Variants in DNAH3 observed in about 807,000 individuals in gnomAD.
DNAH3 encodes the protein dynein axonemal heavy chain 3.
In DNAH3, 332 loss-of-function variants were observed where a neutral mutation model predicts 432.5. That is an observed-to-expected ratio of 0.77 (90% CI 0.70 to 0.84). The LOEUF is 0.84. Ranked by LOEUF, DNAH3 falls within the 40% of genes least tolerant of loss-of-function variation. The pLI is 0.00. For synonymous variants in DNAH3, 1,956 were observed against 1,900.2 expected, an observed-to-expected ratio of 1.03 and a Z score of -0.76; for missense variants, 4,861 against 5,114.0, an observed-to-expected ratio of 0.95 and a Z score of 1.51.
intron 18 of DNAH3, among the ~76,000 whole-genome samples, chr16:21,093,199 C>G (rs2091588080): frequency 6.6e-6 from 1 of 152,162 alleles, no homozygotes; most frequent in Non-Finnish European, 1.5e-5. Flanking sequence ...CAAAACGGTA[C>G]AGCAACTCTG....
rs146012558 is a variant in DNAH3 at position 20,949,989 on chromosome 16, T to C, written c.11189-1352A>G. Among the ~76,000 whole-genome samples the C allele has an allele frequency of 6.6e-5, 10 of 152,280 alleles. No homozygotes were observed. The East Asian group carries it at 1.9e-3, about 29-fold the overall frequency. Reference sequence around the variant, plus strand: ...TGTGCTTCTGCATGACCTGGAACTGTGGGAATATGGTTCACTTCTATTTAT... The same window carrying C: ...TGTGCTTCTGCATGACCTGGAACTGCGGGAATATGGTTCACTTCTATTTAT... On this transcript the variant is annotated intron_variant, in intron 56 of 61. Transcript: ENST00000261383.
At chr16:21,050,128 T>C (rs1597243204) in intron 29 of DNAH3, 110 bp from the exon 30 acceptor site, 2 of 760,782 alleles carry the variant, frequency 2.6e-6, no homozygotes, top group East Asian at 5.3e-5. Context: ...GCAAAAGTGA[T>C]TGCAGTTTTT....
At chr16:20,951,557 C>T (rs2084309398) in intron 56 of DNAH3, among the ~76,000 whole-genome samples, 1 of 151,702 alleles carries the variant, frequency 6.6e-6, no homozygotes, top group African/African-American at 2.4e-5. Context: ...AATCCTCCCA[C>T]CTTAGTCCCC....
At chr16:21,022,381 A>G (rs2088285118) in intron 39 of DNAH3, among the ~76,000 whole-genome samples, 1 of 152,236 alleles carries the variant, frequency 6.6e-6, no homozygotes, top group Non-Finnish European at 1.5e-5. Flanking sequence ...TGGGTCAGCT[A>G]CAGGATGCAT....
rs892887114 is a variant in DNAH3, at chr16:21,022,593, T to A, written c.5647-493A>T. Among the ~76,000 whole-genome samples the A allele has an allele frequency of 3.1e-4, 47 of 152,130 alleles. 1 individual carries two copies. Among genetic ancestry groups the A allele is most frequent in the Non-Finnish European group, 6.0e-4 (41 of 68,010 alleles). On this transcript the variant is annotated intron_variant, in intron 39 of 61. Transcript: ENST00000261383. ...TACCACACGTATGGGTAGGTTTATA[T>A]GTTCTTCTTTGGGGTTATCATGATT...
intron 49 of DNAH3, among the ~76,000 whole-genome samples, chr16:20,980,258 T>TA (rs2085815537): frequency 2.3e-5 from 2 of 86,230 alleles, no homozygotes; most frequent in Non-Finnish European, 5.6e-5. Flanking sequence ...ATACATCATA[T>TA]ATTATATTAT....
intron 51 of DNAH3, among the ~76,000 whole-genome samples, chr16:20,971,834 T>C (rs567893983): frequency 5.7e-4 from 87 of 152,210 alleles, no homozygotes; most frequent in Non-Finnish European, 9.7e-4. Flanking sequence ...CCCCTTGGTA[T>C]AGAGCAAAGT....
intron 49 of DNAH3, among the ~76,000 whole-genome samples, chr16:20,981,618 G>A (rs1354130255): frequency 2.6e-5 from 4 of 152,060 alleles, no homozygotes; most frequent in African/African-American, 7.2e-5. Context: ...TCAGCTACTC[G>A]GGAGGCTGAG....
chr16:21,068,078 G>A (rs1010419136), intron 23 of DNAH3, among the ~76,000 whole-genome samples: 2 of 152,066 alleles, frequency 1.3e-5, no homozygotes, highest in Non-Finnish European at 2.9e-5. Context: ...AACAAAGCAG[G>A]GAAGACAAAT....
intron 53 of DNAH3, among the ~76,000 whole-genome samples, chr16:20,959,885 A>T (rs1211801571): frequency 3.3e-5 from 5 of 152,228 alleles, no homozygotes. Context: ...TTTGAAAGAA[A>T]AGGATATTCC....
chr16:20,938,761 A>G (rs2152566202), intron 59 of DNAH3, among the ~76,000 whole-genome samples: 1 of 151,902 alleles, frequency 6.6e-6, no homozygotes, highest in East Asian at 1.9e-4. Context: ...ATCATTGGAA[A>G]ATAAGATTGC....
At chr16:21,124,332 G>A (rs1008977471) in intron 9 of DNAH3, among the ~76,000 whole-genome samples, 2 of 152,050 alleles carry the variant, frequency 1.3e-5, no homozygotes, top group African/African-American at 4.8e-5. Flanking sequence ...TCCCCAAACT[G>A]TAAGACATAT....
chr16:21,027,037 T>A, exon 38 of DNAH3: 1 of 1,613,308 alleles, frequency 6.2e-7, no homozygotes, highest in Non-Finnish European at 8.5e-7. Flanking sequence ...CTGCTCACAG[T>A]GGCTGGAGAG....
At chr16:21,081,208 T>C (rs931263605) in intron 20 of DNAH3, among the ~76,000 whole-genome samples, 1 of 152,110 alleles carries the variant, frequency 6.6e-6, no homozygotes, top group African/African-American at 2.4e-5. Context: ...CATGAGCCAC[T>C]GTGCCCAGGC....
exon 51 of DNAH3, chr16:20,975,363 G>A: frequency 6.2e-7 from 1 of 1,614,184 alleles, no homozygotes; most frequent in Non-Finnish European, 8.5e-7. Flanking sequence ...TTCCTCGGAG[G>A]TGAGGATGAG....
Position 21,086,993 on chromosome 16 carries a change from A to C in DNAH3, c.2733T>G (p.Tyr911Ter), listed in dbSNP as rs761678243. 5.0e-6 allele frequency: 8 copies of C among 1,614,184 alleles called. No homozygotes were observed. Among genetic ancestry groups the C allele is most frequent in the Non-Finnish European group, 6.8e-6 (8 of 1,180,008 alleles). ...CATCAGACAAGGTCTTGATCAGTTT[A>C]TACGTTGTCCTCCACATATTCCCTA... Residue 911 changes from tyrosine to a stop codon, truncating the protein, a stop_gained, in exon 19 of 62, where the codon TAT (tyrosine) becomes TAG (stop). Transcript: ENST00000261383. LOFTEE classifies it high-confidence loss of function.
intron 58 of DNAH3, among the ~76,000 whole-genome samples, chr16:20,942,622 G>A (rs1315579446): frequency 6.6e-6 from 1 of 152,200 alleles, no homozygotes; most frequent in Admixed American, 6.5e-5. Flanking sequence ...GGAAGGTGGA[G>A]AAGGGAAGGG....
At chr16:21,080,157 CA>C (rs1293281561) in intron 20 of DNAH3, among the ~76,000 whole-genome samples, 1 of 152,156 alleles carries the variant, frequency 6.6e-6, no homozygotes, top group African/African-American at 2.4e-5. Flanking sequence ...ATTAGCCAGG[CA>C]TGGTGGCGGG....
chr16:20,962,491 A>G (rs1272590636), intron 53 of DNAH3, among the ~76,000 whole-genome samples: 1 of 152,060 alleles, frequency 6.6e-6, no homozygotes, highest in Non-Finnish European at 1.5e-5. Context: ...TAAGGGAGGG[A>G]GTGGGGGAAT....
Sources: allele counts gnomAD v4.1 joint callset (sites outside exome capture counted in the v4.1 genomes callset), GRCh38; gene constraint gnomAD v4.1.1; transcripts MANE v1.5; gene names NCBI Gene and HGNC (gene_info 2026-07-23, HGNC 2026-07-21).